The following PRKRIP1 variants were observed in gnomAD, a reference collection of about 807,000 sequenced individuals.
The protein encoded by PRKRIP1 is PRKR-interacting protein 1.
In PRKRIP1, 29 loss-of-function variants were observed where a neutral mutation model predicts 29.3. The observed-to-expected ratio is 0.99, with a 90% CI of 0.74 to 1.35. The LOEUF is 1.35. PRKRIP1 is among the 40% of genes most tolerant of loss of function. PRKRIP1 has a pLI of 0.00. For synonymous variants in PRKRIP1, 90 were observed against 85.1 expected (o/e 1.06, Z -0.32); for missense variants, 247 against 236.8 (o/e 1.04, Z -0.28).
chr7:102,404,771 T>A, intron 4 of PRKRIP1, 88 bp downstream of exon 4: 8 of 941,124 alleles, frequency 8.5e-6, no homozygotes, highest in Non-Finnish European at 1.3e-5. Context: ...GTAGTTCCTC[T>A]GCATGACCTG....
At chr7:102,407,762 T>C (rs1796272088) in intron 5 of PRKRIP1, among the ~76,000 whole-genome samples, 1 of 151,398 alleles carries the variant, frequency 6.6e-6, no homozygotes, top group Non-Finnish European at 1.5e-5. Context: ...AGTGACATTA[T>C]TGGTTATTGA....
intron 5 of PRKRIP1, among the ~76,000 whole-genome samples, 161 bp from the exon 6 acceptor site, chr7:102,424,853 G>A (rs1554574231): frequency 6.6e-6 from 1 of 152,158 alleles, no homozygotes; most frequent in Non-Finnish European, 1.5e-5. Flanking sequence ...TACTCCTGGG[G>A]AATGGCTCAG....
At chr7:102,407,597 T>G (rs1554572034) in intron 5 of PRKRIP1, 99 bp downstream of exon 5, 1 of 872,460 alleles carries the variant, frequency 1.1e-6, no homozygotes. Context: ...TTTGGGCTGG[T>G]TGGCTGGCCA....
At chr7:102,424,024 T>C (rs139616357) in intron 5 of PRKRIP1, among the ~76,000 whole-genome samples, 47 of 152,366 alleles carry the variant, frequency 3.1e-4, no homozygotes, top group African/African-American at 1.1e-3. Flanking sequence ...GAAAAAGGGA[T>C]GCCCCAAATT....
At position 102,396,373 on chromosome 7, in the gene PRKRIP1, G is replaced by A. The variant is rs1554570293; in HGVS notation, c.-39G>A. The A allele has an allele frequency of 6.7e-7, 1 of 1,488,254 alleles. No homozygotes were observed. Among genetic ancestry groups the A allele is most frequent in the South Asian group, 1.3e-5 (1 of 79,536 alleles). The allele number at this position is 1,488,254 out of a possible 1,614,324, so 92.2% of individuals were successfully genotyped here. Reference sequence around the variant, plus strand: ...CGCGGCTGTGTCGTCATACTTGCGCGCCGACGCCGCCGCTCGCTTGTGAAA... The same window carrying A: ...CGCGGCTGTGTCGTCATACTTGCGCACCGACGCCGCCGCTCGCTTGTGAAA... On this transcript the variant is annotated 5_prime_UTR_variant, in exon 1 of 6. Transcript: ENST00000397912.
chr7:102,410,366 G>C (rs568406795), intron 5 of PRKRIP1, among the ~76,000 whole-genome samples: 4 of 152,258 alleles, frequency 2.6e-5, no homozygotes, highest in South Asian at 2.1e-4. Flanking sequence ...TTTGACAAAC[G>C]CCCAGGGGAA....
intron 3 of PRKRIP1, among the ~76,000 whole-genome samples, chr7:102,401,929 C>G (rs1554571212): frequency 6.6e-6 from 1 of 152,112 alleles, no homozygotes; most frequent in African/African-American, 2.4e-5. Flanking sequence ...AAATGTCCTG[C>G]TCTGGAAACA....
chr7:102,418,885 G>A (rs781935879), intron 5 of PRKRIP1, among the ~76,000 whole-genome samples: 4 of 151,858 alleles, frequency 2.6e-5, no homozygotes, highest in African/African-American at 4.8e-5. Flanking sequence ...AATTTGAGAC[G>A]ATGTTACATT....
Position 102,417,813 on chromosome 7 carries a change from G to A in PRKRIP1, c.458-7201G>A, listed in dbSNP as rs139117815. Among the ~76,000 whole-genome samples, 727 of 151,774 alleles carry A rather than the reference G, an allele frequency of 4.8e-3. 23 individuals carry two copies. Among genetic ancestry groups the A allele is most frequent in the Admixed American group, 0.043 (657 of 15,216 alleles). ...TTAAAATTTTTTTGTAGAGACAAGG[G>A]TCTCGCTATATGGCCCAGGCTGGTC... is the stretch of plus-strand genomic sequence containing the variant. On this transcript the variant is annotated intron_variant, in intron 5 of 5. Coordinates refer to ENST00000397912, the MANE Select transcript of PRKRIP1 (RefSeq NM_024653.4).
rs148113525 is a variant in PRKRIP1, at chr7:102,411,422, A to G, written c.457+3924A>G. On this transcript the variant is annotated intron_variant, in intron 5 of 5. Transcript: ENST00000397912. ...TGTTTTTAAGTTGGAGTCTTGCTCTATCACCTAGGCCGGAGTACAGTGTGC... is the reference window on the plus strand; with the variant it reads ...TGTTTTTAAGTTGGAGTCTTGCTCTGTCACCTAGGCCGGAGTACAGTGTGC... Among the ~76,000 whole-genome samples, 10 of 151,434 alleles carry G rather than the reference A, an allele frequency of 6.6e-5. No homozygotes were observed. The East Asian group carries it at 1.6e-3, about 24-fold the overall frequency.
At position 102,417,620 on chromosome 7, in the gene PRKRIP1, CT is replaced by C. The variant is rs1276644958; in HGVS notation, c.458-7372del. Among the ~76,000 whole-genome samples the C allele has an allele frequency of 3.3e-3, 425 of 127,398 alleles. 1 individual carries two copies. The highest frequency in any genetic ancestry group is 0.017 in the Middle Eastern group (4 of 236). 83.6% of individuals were successfully genotyped at this position (127,398 alleles called of 152,430 possible). A position where few individuals can be genotyped will look rare whatever the true frequency, so the allele number is the denominator to read the frequency against. ...GACAAAGTCCCATCATTGTGGGTAC[CT>C]TTTTTTTTTTTTTTTTTTTTTGAGA... On this transcript the variant is annotated intron_variant, in intron 5 of 5. Coordinates refer to ENST00000397912, the MANE Select transcript of PRKRIP1 (RefSeq NM_024653.4).
chr7:102,406,828 T>C (rs1796235947), intron 4 of PRKRIP1, among the ~76,000 whole-genome samples: 1 of 151,446 alleles, frequency 6.6e-6, no homozygotes, highest in Non-Finnish European at 1.5e-5. Context: ...TTGTCTAGCA[T>C]CGTTTTCATA....
intron 5 of PRKRIP1, among the ~76,000 whole-genome samples, chr7:102,411,941 GTTT>G (rs1656107771): frequency 3.0e-5 from 1 of 33,364 alleles, no homozygotes; most frequent in African/African-American, 6.1e-5. Context: ...TTGTTGTTTT[GTTT>G]GTTTGTTTGT....
rs529909708 is a variant in PRKRIP1, at chr7:102,398,055, A to G, written c.205+357A>G. Among the ~76,000 whole-genome samples the G allele has an allele frequency of 3.3e-5, 5 of 152,242 alleles. 1 individual carries two copies. In the South Asian group the frequency reaches 1.0e-3, roughly 32 times the overall value. Reference sequence around the variant, plus strand: ...GAGCGACATTCTGTCTCAAAAAGAAAAAAAAAAGGTAGCTATAAAAATCCT... The same window carrying G: ...GAGCGACATTCTGTCTCAAAAAGAAGAAAAAAAGGTAGCTATAAAAATCCT... On this transcript the variant is annotated intron_variant, in intron 2 of 5. Coordinates refer to ENST00000397912, the MANE Select transcript of PRKRIP1 (RefSeq NM_024653.4).
chr7:102,411,467 C>T (rs1312966105), intron 5 of PRKRIP1, among the ~76,000 whole-genome samples: 1 of 152,076 alleles, frequency 6.6e-6, no homozygotes, highest in African/African-American at 2.4e-5. Context: ...TCACTGCAAC[C>T]TCCACCTCCT....
intron 3 of PRKRIP1, among the ~76,000 whole-genome samples, chr7:102,403,376 G>A (rs1045388672): frequency 6.6e-6 from 1 of 152,232 alleles, no homozygotes; most frequent in Admixed American, 6.5e-5. Context: ...CAGCAGAGGT[G>A]TTGAAGGCAC....
chr7:102,413,510 C>T (rs1457956905), intron 5 of PRKRIP1, among the ~76,000 whole-genome samples: 5 of 152,210 alleles, frequency 3.3e-5, no homozygotes, highest in African/African-American at 1.2e-4. Flanking sequence ...GCCTGTACTC[C>T]CAACACTTTG....
intron 5 of PRKRIP1, among the ~76,000 whole-genome samples, chr7:102,424,626 G>A (rs73189806): frequency 5.3e-5 from 8 of 152,324 alleles, no homozygotes; most frequent in Non-Finnish European, 1.2e-4. Flanking sequence ...TTTTGCAGAC[G>A]GCAGTGAGAA....
chr7:102,419,204 A>G (rs1354448379), intron 5 of PRKRIP1, among the ~76,000 whole-genome samples: 1 of 152,042 alleles, frequency 6.6e-6, no homozygotes. Context: ...ACTTGCGGTC[A>G]GGCGTTCAAG....
Sources: gnomAD v4.1 joint callset for allele counts (sites outside exome capture counted in the v4.1 genomes callset) on GRCh38, gnomAD v4.1.1 for gene constraint, MANE v1.5 for transcripts, NCBI Gene and HGNC (gene_info 2026-07-23, HGNC 2026-07-21) for gene names.